CCDC91: variants seen among roughly 807,000 people sequenced by gnomAD.
CCDC91 encodes the protein coiled-coil domain-containing protein 91.
In CCDC91, 48 loss-of-function variants were observed where a neutral mutation model predicts 63.2. That is an observed-to-expected ratio of 0.76 (90% confidence interval 0.60 to 0.97). CCDC91 has a LOEUF of 0.97. CCDC91 is among the 50% of genes least tolerant of loss of function. The probability of loss-of-function intolerance (pLI) is 0.00; values close to 1 mark genes in which losing one functional copy is unlikely to be tolerated. For synonymous variants in CCDC91, 167 were observed against 165.8 expected (o/e 1.01, Z -0.06); for missense variants, 500 against 494.6 (o/e 1.01, Z -0.10).
chr12:28,226,837 G>T (rs1944300289), intron 1 of CCDC91, among the ~76,000 whole-genome samples: 1 of 152,002 alleles, frequency 6.6e-6, no homozygotes, highest in South Asian at 2.1e-4. Context: ...AACTTTACTT[G>T]TTTTTGATGA....
chr12:28,275,854 G>T (rs192659195), intron 3 of CCDC91, among the ~76,000 whole-genome samples: 33 of 152,174 alleles, frequency 2.2e-4, no homozygotes, highest in African/African-American at 7.7e-4. Context: ...CATATAAACA[G>T]AACCAAAAAC....
chr12:28,467,207 G>C (rs1461477033), intron 11 of CCDC91, among the ~76,000 whole-genome samples: 1 of 151,998 alleles, frequency 6.6e-6, no homozygotes, highest in Non-Finnish European at 1.5e-5. Context: ...CCCTTGATCT[G>C]TTGCCTATAA....
chr12:28,454,789 C>T (rs576520839), intron 11 of CCDC91, among the ~76,000 whole-genome samples: 39 of 152,130 alleles, frequency 2.6e-4, no homozygotes, highest in African/African-American at 8.9e-4. Flanking sequence ...TCATATGGCA[C>T]TGTACTGGGG....
At chr12:28,232,290 A>C (rs1944649351) in intron 1 of CCDC91, among the ~76,000 whole-genome samples, 1 of 152,102 alleles carries the variant, frequency 6.6e-6, no homozygotes, top group South Asian at 2.1e-4. Flanking sequence ...ATAAGTTTAG[A>C]GCACAAGCCT....
At chr12:28,436,175 C>T (rs1948895445) in intron 8 of CCDC91, among the ~76,000 whole-genome samples, 1 of 151,724 alleles carries the variant, frequency 6.6e-6, no homozygotes, top group Admixed American at 6.6e-5. Context: ...ATTTTGTCTT[C>T]CACAATTTTC....
intron 11 of CCDC91, among the ~76,000 whole-genome samples, chr12:28,471,502 G>A (rs1366603297): frequency 6.6e-6 from 1 of 152,036 alleles, no homozygotes; most frequent in East Asian, 1.9e-4. Context: ...GAATATATAG[G>A]GAACCCTCAA....
intron 8 of CCDC91, among the ~76,000 whole-genome samples, chr12:28,425,327 A>G (rs1331959593): frequency 6.6e-6 from 1 of 152,096 alleles, no homozygotes; most frequent in African/African-American, 2.4e-5. Context: ...TGGAAGAAGG[A>G]GGGGAAAACC....
intron 8 of CCDC91, among the ~76,000 whole-genome samples, chr12:28,425,633 T>C (rs934113035): frequency 6.6e-6 from 1 of 152,202 alleles, no homozygotes; most frequent in African/African-American, 2.4e-5. Context: ...TTCATTTTGG[T>C]TTATTATTAC....
At chr12:28,544,362 C>T (rs1458958674) in intron 12 of CCDC91, among the ~76,000 whole-genome samples, 1 of 151,858 alleles carries the variant, frequency 6.6e-6, no homozygotes, top group Admixed American at 6.6e-5. Flanking sequence ...CTTTTCAAGT[C>T]TCTTAATTAC....
intron 3 of CCDC91, among the ~76,000 whole-genome samples, chr12:28,298,400 C>T (rs1300583856): frequency 6.1e-5 from 9 of 148,284 alleles, no homozygotes; most frequent in South Asian, 2.1e-4. Flanking sequence ...GCTAGTTGGC[C>T]CCTATTAGTC....
intron 6 of CCDC91, among the ~76,000 whole-genome samples, chr12:28,335,808 AT>A (rs1413201887): frequency 6.6e-6 from 1 of 151,140 alleles, no homozygotes; most frequent in Non-Finnish European, 1.5e-5. Flanking sequence ...TTTTCTCATT[AT>A]TTTTGTCTTT....
chr12:28,520,035 C>A (rs535358439), intron 12 of CCDC91, among the ~76,000 whole-genome samples: 1 of 151,982 alleles, frequency 6.6e-6, no homozygotes, highest in Non-Finnish European at 1.5e-5. Flanking sequence ...ATAAACATAC[C>A]TGTGCATGTG....
At chr12:28,273,572 G>A (rs1326393176) in intron 3 of CCDC91, among the ~76,000 whole-genome samples, 1 of 152,100 alleles carries the variant, frequency 6.6e-6, no homozygotes, top group Non-Finnish European at 1.5e-5. Flanking sequence ...GTTTTGATTT[G>A]CATTTCTCTG....
In CCDC91 at chr12:28,315,169, A is replaced by ATT. The variant is rs1277610947; in HGVS notation, c.576+7421_576+7422insTT. On this transcript the variant is annotated intron_variant, in intron 6 of 12. Coordinates refer to ENST00000536442, the MANE Select transcript of CCDC91 (RefSeq NM_018318.5). ...GTGTCAGTTGTATATATATATATAT[A>ATT]TATTTTTGTTTTTGAGAAGGAGTTT... Among the ~76,000 whole-genome samples the ATT allele has an allele frequency of 2.6e-5, 4 of 151,178 alleles. No individual in the cohort carries two copies. In the South Asian group the frequency reaches 6.3e-4, roughly 24 times the overall value.
intron 12 of CCDC91, among the ~76,000 whole-genome samples, chr12:28,517,489 C>A (rs76878535): frequency 6.6e-6 from 1 of 151,844 alleles, no homozygotes; most frequent in African/African-American, 2.4e-5. Context: ...TTTTAACTGC[C>A]CTTTAAGCTA....
At chr12:28,413,640 G>T (rs568450298) in intron 8 of CCDC91, among the ~76,000 whole-genome samples, 50 of 152,246 alleles carry the variant, frequency 3.3e-4, no homozygotes, top group African/African-American at 1.2e-3. Flanking sequence ...ACCTAAATTT[G>T]TTCTTCCTCT....
At chr12:28,209,242 A>G (rs1310334994) in intron 1 of CCDC91, among the ~76,000 whole-genome samples, 1 of 152,228 alleles carries the variant, frequency 6.6e-6, no homozygotes, top group Non-Finnish European at 1.5e-5. Flanking sequence ...TGGTTTGACC[A>G]TAAGGTGAGA....
At chr12:28,208,834 T>C (rs1448434214) in intron 1 of CCDC91, among the ~76,000 whole-genome samples, 1 of 152,202 alleles carries the variant, frequency 6.6e-6, no homozygotes, top group East Asian at 1.9e-4. Context: ...GGAGTCTTGC[T>C]CTGTCACCCA....
chr12:28,548,635 C>T (rs1023079217), intron 12 of CCDC91, among the ~76,000 whole-genome samples: 4 of 152,156 alleles, frequency 2.6e-5, no homozygotes, highest in Non-Finnish European at 5.9e-5. Flanking sequence ...TTGTTTATCT[C>T]CTCCCTTATA....
Sources: gnomAD v4.1 joint callset for allele counts (sites outside exome capture counted in the v4.1 genomes callset) on GRCh38, gnomAD v4.1.1 for gene constraint, MANE v1.5 for transcripts, NCBI Gene and HGNC (gene_info 2026-07-23, HGNC 2026-07-21) for gene names.